The following EFCC1 variants were observed in gnomAD, a reference collection of about 807,000 sequenced individuals.
EFCC1 encodes EF-hand and coiled-coil domain-containing protein 1.
In EFCC1, 50 loss-of-function variants were observed where a neutral mutation model predicts 52.1. The ratio of observed to expected loss-of-function variants is 0.96; its 90% CI spans 0.76 to 1.21. EFCC1 has a LOEUF of 1.21. Ranked by LOEUF, EFCC1 falls within the 50% of genes most tolerant of loss-of-function variation. The probability of loss-of-function intolerance (pLI) is 0.00; values close to 1 mark genes in which losing one functional copy is unlikely to be tolerated. For missense variants in EFCC1, 837 were observed against 867.3 expected (o/e 0.97, Z 0.44); for synonymous variants, 399 against 396.5 (o/e 1.01, Z -0.08).
At position 129,001,582 on chromosome 3, in the gene EFCC1, G is replaced by C; in HGVS notation, c.-47G>C. ...GGGCCGCCCCTGGAAGTGGCGGGGC[G>C]AAGGGACCGGAGGAGGGACCGGAGG... is the stretch of plus-strand genomic sequence containing the variant. On this transcript the variant is annotated 5_prime_UTR_variant, in exon 1 of 8. Transcript: ENST00000683648. 7.4e-7 allele frequency: 1 copy of C among 1,346,388 alleles called. No individual in the cohort carries two copies. The highest frequency in any genetic ancestry group is 3.1e-5 in the East Asian group (1 of 32,776). 83.4% of individuals were successfully genotyped at this position (1,346,388 alleles called of 1,614,324 possible). A position where few individuals can be genotyped will look rare whatever the true frequency, so the allele number is the denominator to read the frequency against.
At chr3:129,032,685 G>A (rs1210392570) in intron 3 of EFCC1, 134 bp from the exon 4 acceptor site, 36 of 1,314,090 alleles carry the variant, frequency 2.7e-5, no homozygotes, top group Non-Finnish European at 3.6e-5. Context: ...AGCCTGGGAT[G>A]TGGGGGTGGC....
chr3:129,001,689 C>A lies in EFCC1; in HGVS notation c.61C>A (p.Arg21=). ...GGAGGGCGCGGGAGGTGACCCGTAC[C>A]GGCGACCTGCGCGGCGCACGCAGTG... The part of the protein sequence containing the change: ...GMEGAGGDPY[R]RPARRTQWLL... The change falls in exon 1 of 8, where the codon CGG becomes AGG. Residue 21 remains arginine (R), a synonymous_variant. Coordinates refer to ENST00000683648, the MANE Select transcript of EFCC1 (RefSeq NM_001377500.1). 6.7e-7 allele frequency: 1 copy of A among 1,487,728 alleles called. No individual in the cohort carries two copies. Among genetic ancestry groups the A allele is most frequent in the Admixed American group, 2.2e-5 (1 of 45,964 alleles). 92.2% of individuals were successfully genotyped at this position (1,487,728 alleles called of 1,614,324 possible).
At position 129,014,011 on chromosome 3, in the gene EFCC1, C is replaced by G. The variant is rs1047223207; in HGVS notation, c.980+9934C>G. Among the ~76,000 whole-genome samples the G allele has an allele frequency of 2.0e-5, 3 of 152,176 alleles. No homozygotes were observed. Among genetic ancestry groups the G allele is most frequent in the South Asian group, 2.1e-4 (1 of 4,834 alleles). ...GAGAGGACCGAGGTGACTGGAGAAG[C>G]CTGGAGCCACCCAAAGTCAGAGACC... On this transcript the variant is annotated intron_variant, in intron 2 of 7. Coordinates refer to ENST00000683648, the MANE Select transcript of EFCC1 (RefSeq NM_001377500.1). The surrounding 1 kb of genome is among the most constrained non-coding windows in gnomAD (Gnocchi z 4.3).
At chr3:129,016,128 C>G (rs1045920519) in intron 2 of EFCC1, among the ~76,000 whole-genome samples, 6 of 152,184 alleles carry the variant, frequency 3.9e-5, no homozygotes, top group Admixed American at 6.5e-5. Context: ...TTGATGCGTC[C>G]CCCTGGCTTT....
At chr3:129,029,586 T>TG (rs111359866) in intron 2 of EFCC1, among the ~76,000 whole-genome samples, 3 of 36,244 alleles carry the variant, frequency 8.3e-5, no homozygotes, top group African/African-American at 2.8e-4. Context: ...TGTTTTTTGG[T>TG]TTTTTTTTTG....
chr3:129,020,977 A>G (rs1051078004), intron 2 of EFCC1, among the ~76,000 whole-genome samples: 35 of 152,198 alleles, frequency 2.3e-4, no homozygotes, highest in African/African-American at 7.9e-4. Context: ...GCCTCATGAG[A>G]GCTGGGAGGG....
chr3:129,031,289 A>AGT (rs1946267629), intron 3 of EFCC1, among the ~76,000 whole-genome samples: 1 of 152,148 alleles, frequency 6.6e-6, no homozygotes, highest in Non-Finnish European at 1.5e-5. Context: ...AAATTAGCCC[A>AGT]GTGTGGTGGC....
At position 129,014,066 on chromosome 3, in the gene EFCC1, C is replaced by T. The variant is rs1945457885; in HGVS notation, c.980+9989C>T. Among the ~76,000 whole-genome samples, 1 of 152,222 alleles carries T rather than the reference C, an allele frequency of 6.6e-6. No homozygotes were observed. The highest frequency in any genetic ancestry group is 2.1e-4 in the South Asian group (1 of 4,832). On this transcript the variant is annotated intron_variant, in intron 2 of 7. Transcript: ENST00000683648. The surrounding 1 kb of genome is among the most constrained non-coding windows in gnomAD (Gnocchi z 4.3). ...AAGGGGCAGACAGAGTCTTCAGGCT[C>T]TTCATTTTGCCTCTTCATGATTTTC...
intron 3 of EFCC1, among the ~76,000 whole-genome samples, chr3:129,032,090 C>T (rs1377400683): frequency 1.3e-5 from 2 of 152,084 alleles, no homozygotes; most frequent in African/African-American, 4.8e-5. Flanking sequence ...CAGGTGGGAG[C>T]CCACCGTCAA....
rs1156652181 is a variant in EFCC1 at position 129,001,650 on chromosome 3, G to A, written c.22G>A (p.Ala8Thr). The stretch of plus-strand genomic sequence containing the variant: ...AGCGATGGAGCCGGTCAGCACGGGC[G>A]CGGAGGCCGGCATGGAGGGCGCGGG... MEPVSTG[A>T]EAGMEGAGGD... The change falls in exon 1 of 8, where the codon GCG becomes ACG. Residue 8 changes from alanine to threonine, a missense_variant. Ala to Thr is a moderately conservative substitution (Grantham distance 58). Transcript: ENST00000683648. 2.2e-6 allele frequency: 3 copies of A among 1,391,694 alleles called. No individual in the cohort carries two copies. Among genetic ancestry groups the A allele is most frequent in the Admixed American group, 3.2e-5 (1 of 31,154 alleles). The allele number at this position is 1,391,694 out of a possible 1,614,324, so 86.2% of individuals were successfully genotyped here.
intron 2 of EFCC1, among the ~76,000 whole-genome samples, chr3:129,012,192 T>C (rs1241940049): frequency 1.3e-5 from 2 of 152,262 alleles, no homozygotes; most frequent in African/African-American, 2.4e-5. Flanking sequence ...TCAGCTCAAC[T>C]TGCTTGTGCC....
At chr3:129,038,774 GCTGAACAGGGACACAGCAA>G in intron 6 of EFCC1, 38 bp from the exon 7 acceptor site, 1 of 1,573,630 alleles carries the variant, frequency 6.4e-7, no homozygotes, top group African/African-American at 1.3e-5. Context: ...GTTCCCATCG[GCTGAACAGGGACACAGCAA>G]CCAGTCTAAT....
chr3:129,003,961 C>G lies in EFCC1; in HGVS notation c.864C>G (p.Ala288=). The G allele has an allele frequency of 1.4e-6, 2 of 1,444,980 alleles. No individual in the cohort carries two copies. Among genetic ancestry groups the G allele is most frequent in the Non-Finnish European group, 1.8e-6 (2 of 1,104,610 alleles). The allele number at this position is 1,444,980 out of a possible 1,614,324, so 89.5% of individuals were successfully genotyped here. A position where few individuals can be genotyped will look rare whatever the true frequency, so the allele number is the denominator to read the frequency against. Residue 288 remains alanine (A), a synonymous_variant, in exon 2 of 8, where the codon GCC becomes GCG. Transcript: ENST00000683648. ...QAEVRRRAEE[A]RQVVLRSLHR... is the part of the protein sequence containing the mutation. The stretch of plus-strand genomic sequence containing the variant: ...AGGTGCGGCGGCGCGCGGAGGAGGC[C>G]CGGCAGGTGGTGCTGCGCAGCCTGC...
In EFCC1 at chr3:129,038,835, T is replaced by C. The variant is rs1946388362; in HGVS notation, c.1598T>C (p.Ile533Thr). The C allele has an allele frequency of 1.2e-6, 2 of 1,613,800 alleles. No homozygotes were observed. The highest frequency in any genetic ancestry group is 8.5e-7 in the Non-Finnish European group (1 of 1,179,988). ...QLLQRLRDLN[I>T]SKRALGKILL... ...TTGTTTCCATTTCTTTTTAAGAACATATCGAAAAGAGCCCTGGGGAAGATT... is the reference window on the plus strand; with the variant it reads ...TTGTTTCCATTTCTTTTTAAGAACACATCGAAAAGAGCCCTGGGGAAGATT... The change falls in exon 7 of 8, where the codon ATA (isoleucine) becomes ACA (threonine). Residue 533 changes from isoleucine (I) to threonine (T), a missense_variant. Transcript: ENST00000683648.
chr3:129,015,667 T>TG (rs970678518), intron 2 of EFCC1, among the ~76,000 whole-genome samples: 9 of 151,764 alleles, frequency 5.9e-5, no homozygotes, highest in Non-Finnish European at 7.4e-5. Flanking sequence ...TCAGTAAAGT[T>TG]GGGGGGGTTC....
chr3:129,021,842 C>CCTTTT (rs1559967536), intron 2 of EFCC1, among the ~76,000 whole-genome samples: 2 of 152,180 alleles, frequency 1.3e-5, no homozygotes, highest in African/African-American at 4.8e-5. Flanking sequence ...AAACTCCTTT[C>CCTTTT]CTTTTCTTTC....
intron 6 of EFCC1, among the ~76,000 whole-genome samples, chr3:129,038,073 A>T (rs1576787214): frequency 6.6e-6 from 1 of 152,130 alleles, no homozygotes; most frequent in Admixed American, 6.5e-5. Context: ...CAAAAAAAAA[A>T]AAAATTAAAA....
At position 129,015,096 on chromosome 3, in the gene EFCC1, C is replaced by G. The variant is rs1356848470; in HGVS notation, c.980+11019C>G. On this transcript the variant is annotated intron_variant, in intron 2 of 7. Transcript: ENST00000683648. ...TCTTTTCAACACCCAGATCCCACCT[C>G]GGGCTCGCCCACTCACAACTCTCCT... is the stretch of plus-strand genomic sequence containing the variant. 4.6e-5 allele frequency among the ~76,000 whole-genome samples: 7 copies of G among 152,318 alleles called. No individual in the cohort carries two copies. In the South Asian group the frequency reaches 1.2e-3, roughly 27 times the overall value.
intron 4 of EFCC1, 24 bp from the exon 5 acceptor site, chr3:129,034,140 T>G (rs1044888423): frequency 5.6e-6 from 9 of 1,613,818 alleles, no homozygotes; most frequent in Non-Finnish European, 7.6e-6. Flanking sequence ...CCCCCTGCAA[T>G]GCGGGCCCTC....
Sources: allele counts gnomAD v4.1 joint callset (sites outside exome capture counted in the v4.1 genomes callset), GRCh38; gene constraint gnomAD v4.1.1; non-coding constraint Gnocchi (gnomAD v3.1); transcripts MANE v1.5; gene names NCBI Gene and HGNC (gene_info 2026-07-23, HGNC 2026-07-21).